SORCS1: variants seen among roughly 807,000 people sequenced by gnomAD.
SORCS1 encodes sortilin related VPS10 domain containing receptor 1.
In SORCS1, 60 loss-of-function variants were observed where a neutral mutation model predicts 146.1. The ratio of observed to expected loss-of-function variants is 0.41; its 90% confidence interval spans 0.33 to 0.51. The LOEUF is 0.51. Among genes scored for constraint, SORCS1 ranks in the 20% least tolerant of loss-of-function variants. The probability of loss-of-function intolerance (pLI) is 0.21; values close to 1 mark genes in which losing one functional copy is unlikely to be tolerated. For missense variants in SORCS1, 1,352 were observed against 1,487.6 expected (o/e 0.91, Z 1.50); for synonymous variants, 637 against 584.0 (o/e 1.09, Z -1.31).
intron 1 of SORCS1, among the ~76,000 whole-genome samples, chr10:106,990,225 A>G (rs2139466797): frequency 6.6e-6 from 1 of 152,278 alleles, no homozygotes; most frequent in South Asian, 2.1e-4. Context: ...CATTTGCCCT[A>G]TTCTAAAAAC....
chr10:106,994,941 G>A (rs1300319573), intron 1 of SORCS1, among the ~76,000 whole-genome samples: 1 of 152,086 alleles, frequency 6.6e-6, no homozygotes, highest in Non-Finnish European at 1.5e-5. Context: ...TGGAAACCTT[G>A]TCAACAGAAT....
chr10:107,027,060 T>C (rs1309778008), intron 1 of SORCS1, among the ~76,000 whole-genome samples: 1 of 146,568 alleles, frequency 6.8e-6, no homozygotes, highest in African/African-American at 2.5e-5. Context: ...ATATATAAAA[T>C]ATAAATATAT....
intron 2 of SORCS1, among the ~76,000 whole-genome samples, chr10:106,929,799 G>A (rs1433721463): frequency 1.3e-5 from 2 of 148,218 alleles, no homozygotes; most frequent in East Asian, 2.0e-4. Flanking sequence ...ACACACACAC[G>A]TATTAATCAG....
At chr10:106,937,132 AT>A (rs1401378771) in intron 2 of SORCS1, among the ~76,000 whole-genome samples, 4 of 151,244 alleles carry the variant, frequency 2.6e-5, no homozygotes, top group African/African-American at 9.7e-5. Context: ...GGTTTTTCCC[AT>A]GCTGTTCTTG....
chr10:107,153,275 G>A (rs576686029), intron 1 of SORCS1, among the ~76,000 whole-genome samples: 19 of 151,538 alleles, frequency 1.3e-4, no homozygotes, highest in South Asian at 4.2e-4. Context: ...CTAATATTTC[G>A]TTTTTAAGAG....
chr10:106,686,905 A>G (rs1399726192), intron 10 of SORCS1, among the ~76,000 whole-genome samples: 2 of 152,184 alleles, frequency 1.3e-5, no homozygotes, highest in Non-Finnish European at 2.9e-5. Context: ...GGATAACATC[A>G]AAGTCAGAAC....
intron 3 of SORCS1, among the ~76,000 whole-genome samples, chr10:106,792,805 A>G (rs894069969): frequency 4.6e-5 from 7 of 152,238 alleles, no homozygotes; most frequent in African/African-American, 1.7e-4. Context: ...CCTTGTCTAT[A>G]AAATATTTTA....
intron 1 of SORCS1, among the ~76,000 whole-genome samples, chr10:107,000,319 GC>G (rs1175423364): frequency 6.6e-6 from 1 of 152,024 alleles, no homozygotes. Flanking sequence ...AGTCCATTTG[GC>G]TGGGCACAAT....
chr10:107,123,598 A>G (rs1226237020), intron 1 of SORCS1, among the ~76,000 whole-genome samples: 4 of 152,222 alleles, frequency 2.6e-5, no homozygotes, highest in African/African-American at 9.6e-5. Context: ...ATATTGGATA[A>G]CTTTTAGAAC....
At chr10:106,962,435 A>T (rs1186163585) in intron 1 of SORCS1, among the ~76,000 whole-genome samples, 1 of 151,636 alleles carries the variant, frequency 6.6e-6, no homozygotes, top group African/African-American at 2.4e-5. Context: ...GAAAAGAAAA[A>T]GAAAATGGGG....
intron 5 of SORCS1, among the ~76,000 whole-genome samples, chr10:106,747,003 G>C (rs1460690380): frequency 1.3e-5 from 2 of 152,206 alleles, no homozygotes; most frequent in African/African-American, 4.8e-5. Flanking sequence ...TGTCACAATA[G>C]AGTCATAAAA....
At chr10:106,970,433 G>A (rs1955725381) in intron 1 of SORCS1, among the ~76,000 whole-genome samples, 1 of 145,602 alleles carries the variant, frequency 6.9e-6, no homozygotes, top group Non-Finnish European at 1.5e-5. Flanking sequence ...CCACCTTCTG[G>A]GTTCAAGCGA....
intron 2 of SORCS1, among the ~76,000 whole-genome samples, chr10:106,912,202 C>T (rs140560981): frequency 1.8e-3 from 274 of 151,998 alleles, no homozygotes; most frequent in African/African-American, 6.2e-3. Context: ...TGTGGCCAGA[C>T]GGTAAGGCTG....
intron 1 of SORCS1, among the ~76,000 whole-genome samples, chr10:107,011,855 T>C (rs1957708870): frequency 6.6e-6 from 1 of 152,220 alleles, no homozygotes; most frequent in Non-Finnish European, 1.5e-5. Context: ...ACCTGGAATA[T>C]TCTGGGTTAT....
intron 1 of SORCS1, among the ~76,000 whole-genome samples, chr10:106,966,789 G>A (rs1955515748): frequency 6.6e-6 from 1 of 152,186 alleles, no homozygotes; most frequent in African/African-American, 2.4e-5. Context: ...GACTCTTCCT[G>A]TGCCAGGAGC....
At chr10:107,045,880 C>T (rs1359051758) in intron 1 of SORCS1, among the ~76,000 whole-genome samples, 1 of 151,180 alleles carries the variant, frequency 6.6e-6, no homozygotes, top group African/African-American at 2.4e-5. Flanking sequence ...AACGCCTGAG[C>T]TCAAGCAATC....
chr10:106,936,389 C>T (rs1343655937), intron 2 of SORCS1, among the ~76,000 whole-genome samples: 2 of 152,138 alleles, frequency 1.3e-5, no homozygotes, highest in East Asian at 3.9e-4. Context: ...AAGACAGGAA[C>T]ATAGATTTGG....
Position 106,909,904 on chromosome 10 carries a change from T to C in SORCS1, c.626+46609A>G, listed in dbSNP as rs909276880. ...CATGTGGTTGCTGATATGGGGGGAA[T>C]GGTTAAGTCTCCAGAGCTTGTCACA... On this transcript the variant is annotated intron_variant, in intron 2 of 25. Transcript: ENST00000263054. Among the ~76,000 whole-genome samples, 2 of 152,252 alleles carry C rather than the reference T, an allele frequency of 1.3e-5. 1 individual carries two copies.
chr10:106,653,205 T>G (rs538568575), intron 17 of SORCS1, among the ~76,000 whole-genome samples: 2 of 152,346 alleles, frequency 1.3e-5, no homozygotes, highest in South Asian at 4.1e-4. Flanking sequence ...AAAATTATTC[T>G]ACAGAATTAA....
Sources: gnomAD v4.1 joint callset for allele counts (sites outside exome capture counted in the v4.1 genomes callset) on GRCh38, gnomAD v4.1.1 for gene constraint, MANE v1.5 for transcripts, NCBI Gene and HGNC (gene_info 2026-07-23, HGNC 2026-07-21) for gene names.